Variants in PDZRN3 observed in about 807,000 individuals in gnomAD.
The protein encoded by PDZRN3 is PDZ domain containing ring finger 3.
PDZRN3 carries 38 observed loss-of-function variants against 85.7 expected under a neutral mutation model. That is an observed-to-expected ratio of 0.44 (90% CI 0.34 to 0.58). The LOEUF (loss-of-function observed/expected upper bound fraction) is 0.58. Among genes scored for constraint, PDZRN3 ranks in the 20% least tolerant of loss-of-function variants. The pLI is 0.01. For synonymous variants in PDZRN3, 759 were observed against 638.0 expected (o/e 1.19, Z -2.86); for missense variants, 1,629 against 1,506.4 (o/e 1.08, Z -1.35).
At chr3:73,533,041 G>A (rs542694922) in intron 3 of PDZRN3, among the ~76,000 whole-genome samples, 6 of 152,268 alleles carry the variant, frequency 3.9e-5, no homozygotes, top group Admixed American at 6.5e-5. Flanking sequence ...TTAACTCAAT[G>A]GGTCTTTACG....
intron 3 of PDZRN3, among the ~76,000 whole-genome samples, chr3:73,435,144 A>G (rs999425465): frequency 3.9e-5 from 6 of 152,102 alleles, no homozygotes; most frequent in Non-Finnish European, 8.8e-5. Context: ...GCCGAGACAC[A>G]CCTGAGACGT....
chr3:73,517,869 T>C (rs769124220), intron 3 of PDZRN3, among the ~76,000 whole-genome samples: 2 of 152,216 alleles, frequency 1.3e-5, no homozygotes, highest in Non-Finnish European at 2.9e-5. Flanking sequence ...TGGGATACCA[T>C]ACAGATAGGG....
At chr3:73,390,382 A>G (rs1279409577) in intron 6 of PDZRN3, among the ~76,000 whole-genome samples, 5 of 152,232 alleles carry the variant, frequency 3.3e-5, no homozygotes, top group African/African-American at 1.2e-4. Context: ...TGAATGACAT[A>G]CAACCAAAGA....
chr3:73,560,977 A>C (rs1462863856), intron 3 of PDZRN3, among the ~76,000 whole-genome samples: 4 of 152,232 alleles, frequency 2.6e-5, no homozygotes, highest in African/African-American at 9.6e-5. Context: ...AGGGAAGAGA[A>C]GAACAAGCAA....
At chr3:73,503,334 C>T (rs192080808) in intron 3 of PDZRN3, among the ~76,000 whole-genome samples, 1 of 152,090 alleles carries the variant, frequency 6.6e-6, no homozygotes, top group African/African-American at 2.4e-5. Flanking sequence ...ATAAATCTGA[C>T]GTAAGTTCCA....
chr3:73,618,296 C>G (rs987414103), intron 1 of PDZRN3, among the ~76,000 whole-genome samples: 3 of 152,174 alleles, frequency 2.0e-5, no homozygotes, highest in African/African-American at 7.2e-5. Context: ...CCAAACAGTA[C>G]TTGGCATACA....
intron 3 of PDZRN3, among the ~76,000 whole-genome samples, chr3:73,523,409 C>A (rs949918918): frequency 6.6e-6 from 1 of 152,058 alleles, no homozygotes; most frequent in African/African-American, 2.4e-5. Context: ...AACTTTAGAA[C>A]AAATTATAAT....
intron 3 of PDZRN3, among the ~76,000 whole-genome samples, chr3:73,489,233 C>T (rs1413254122): frequency 1.3e-5 from 2 of 152,178 alleles, no homozygotes; most frequent in African/African-American, 4.8e-5. Context: ...TAGCAAATAG[C>T]AGGACAGGGA....
intron 3 of PDZRN3, among the ~76,000 whole-genome samples, chr3:73,476,689 C>T (rs1347591182): frequency 6.6e-6 from 1 of 152,174 alleles, no homozygotes; most frequent in Non-Finnish European, 1.5e-5. Context: ...TGATCATTTG[C>T]TCTGGGGGAA....
chr3:73,500,960 T>C (rs367851752), intron 3 of PDZRN3, among the ~76,000 whole-genome samples: 15 of 152,310 alleles, frequency 9.8e-5, no homozygotes, highest in African/African-American at 3.4e-4. Flanking sequence ...TACGTGCAAG[T>C]CTGGTCTCCC....
chr3:73,422,873 TA>T (rs1314368896), intron 3 of PDZRN3, among the ~76,000 whole-genome samples: 1 of 152,204 alleles, frequency 6.6e-6, no homozygotes, highest in Non-Finnish European at 1.5e-5. Context: ...TCCAATGCTA[TA>T]AATCTTGGAT....
At position 73,410,803 on chromosome 3, in the gene PDZRN3, C is replaced by A. The variant is rs139815134; in HGVS notation, c.919-6408G>T. Among the ~76,000 whole-genome samples, 531 of 152,314 alleles carry A rather than the reference C, an allele frequency of 3.5e-3. 5 individuals carry two copies. Among genetic ancestry groups the A allele is most frequent in the African/African-American group, 0.012 (507 of 41,560 alleles). On this transcript the variant is annotated intron_variant, in intron 3 of 9. Transcript: ENST00000263666. ...CCCACCTTAGTATCTCCTTTGGAAA[C>A]CTTGGTATCATCACATGAAATCTCA...
chr3:73,393,456 G>C (rs1701569778), intron 5 of PDZRN3, among the ~76,000 whole-genome samples: 2 of 152,204 alleles, frequency 1.3e-5, no homozygotes, highest in Admixed American at 1.3e-4. Context: ...ACATTGTCAT[G>C]ATAACCAAGG....
chr3:73,421,114 TG>T (rs1202343942), intron 3 of PDZRN3, among the ~76,000 whole-genome samples: 1 of 152,218 alleles, frequency 6.6e-6, no homozygotes, highest in African/African-American at 2.4e-5. Context: ...GATCATCAGT[TG>T]GTTGAATCCA....
At chr3:73,456,383 G>C (rs1000509420) in intron 3 of PDZRN3, among the ~76,000 whole-genome samples, 1 of 152,128 alleles carries the variant, frequency 6.6e-6, no homozygotes, top group Non-Finnish European at 1.5e-5. Flanking sequence ...AGTCCCAAGT[G>C]AGCCAATCTT....
At position 73,602,454 on chromosome 3, in the gene PDZRN3, T is replaced by C. The variant is rs761434170; in HGVS notation, c.818A>G (p.His273Arg). 15 of 1,518,988 alleles carry C rather than the reference T, an allele frequency of 9.9e-6. No homozygotes were observed. Among genetic ancestry groups the C allele is most frequent in the East Asian group, 2.3e-5 (1 of 42,622 alleles). The allele number at this position is 1,518,988 out of a possible 1,614,324, so 94.1% of individuals were successfully genotyped here. ...IIGGRPSVDN[H>R]DGSSSEGIFV... is the part of the protein sequence containing the mutation. Reference sequence around the variant, plus strand: ...GATTCCTTCACTGGATGATCCATCGTGGTTATCCTTTGGGTTAAAAAAAAA... The same window carrying C: ...GATTCCTTCACTGGATGATCCATCGCGGTTATCCTTTGGGTTAAAAAAAAA... Residue 273 changes from histidine (H) to arginine (R), a missense_variant, in exon 3 of 10, where the codon CAC (histidine) becomes CGC (arginine). His to Arg is a conservative substitution (Grantham distance 29). Coordinates refer to ENST00000263666, the MANE Select transcript of PDZRN3 (RefSeq NM_015009.3).
chr3:73,532,303 A>T (rs1352876981), intron 3 of PDZRN3, among the ~76,000 whole-genome samples: 1 of 152,042 alleles, frequency 6.6e-6, no homozygotes, highest in Non-Finnish European at 1.5e-5. Flanking sequence ...GCCCAGCCAA[A>T]TTCCAAGCAT....
intron 3 of PDZRN3, among the ~76,000 whole-genome samples, chr3:73,411,447 T>G (rs1039158942): frequency 3.9e-5 from 6 of 152,206 alleles, no homozygotes; most frequent in Non-Finnish European, 7.4e-5. Context: ...TAGGGATGTG[T>G]AGGCTGAGGT....
intron 3 of PDZRN3, among the ~76,000 whole-genome samples, chr3:73,484,810 C>A (rs767568810): frequency 1.3e-5 from 2 of 152,080 alleles, no homozygotes; most frequent in Non-Finnish European, 2.9e-5. Context: ...TCAGAACTTG[C>A]CTCTTAGCAA....
Sources: allele counts gnomAD v4.1 joint callset (sites outside exome capture counted in the v4.1 genomes callset), GRCh38; gene constraint gnomAD v4.1.1; transcripts MANE v1.5; gene names NCBI Gene and HGNC (gene_info 2026-07-23, HGNC 2026-07-21).